PRKG1: variants seen among roughly 807,000 people sequenced by gnomAD.
PRKG1 encodes protein kinase cGMP-dependent 1, also known as cGMP-dependent protein kinase 1.
Under a neutral mutation model 88.1 loss-of-function variants are expected in PRKG1, and 35 were observed. The ratio of observed to expected loss-of-function variants is 0.40; its 90% CI spans 0.30 to 0.53. The LOEUF is 0.53. PRKG1 is among the 20% of genes least tolerant of loss of function. The pLI is 0.59. For missense variants in PRKG1, 540 were observed against 839.8 expected (o/e 0.64, Z 4.41); for synonymous variants, 303 against 292.5 (o/e 1.04, Z -0.37).
At chr10:51,640,206 T>G (rs1839763549) in intron 3 of PRKG1, among the ~76,000 whole-genome samples, 1 of 152,188 alleles carries the variant, frequency 6.6e-6, no homozygotes, top group African/African-American at 2.4e-5. Context: ...AATGAAGTCT[T>G]ATTTCAGTGC....
chr10:51,041,971 G>T lies in PRKG1; in HGVS notation c.266+50327G>T, dbSNP rs1231343325. On this transcript the variant is annotated intron_variant, in intron 1 of 17. Coordinates refer to the PRKG1 transcript ENST00000401604. Reference sequence around the variant, plus strand: ...GAGTGGGACAGTAAAAGAGGACAGGGAGCACACCCTGCCTGAACCTGAGTC... The same window carrying T: ...GAGTGGGACAGTAAAAGAGGACAGGTAGCACACCCTGCCTGAACCTGAGTC... Among the ~76,000 whole-genome samples the T allele has an allele frequency of 2.6e-5, 4 of 152,122 alleles. No individual in the cohort carries two copies. The East Asian group carries it at 5.8e-4, about 22-fold the overall frequency.
At chr10:51,485,078 T>C (rs60139853) in intron 3 of PRKG1, among the ~76,000 whole-genome samples, 2,022 of 152,248 alleles carry the variant, frequency 0.013, 38 homozygotes, top group Admixed American at 0.039. Flanking sequence ...TTTCAACAAA[T>C]AGAAAATCTA....
At chr10:51,075,930 C>T (rs911970176) in intron 1 of PRKG1, among the ~76,000 whole-genome samples, 4 of 152,272 alleles carry the variant, frequency 2.6e-5, no homozygotes, top group South Asian at 2.1e-4. Context: ...TAGATAATAA[C>T]GTAATTGATA....
intron 9 of PRKG1, chr10:52,230,930 G>C (rs1301461166): frequency 1.3e-5 from 2 of 152,060 alleles, no homozygotes; most frequent in African/African-American, 4.8e-5. Context: ...TGCCTTAATT[G>C]GTTGGAAGAA....
intron 3 of PRKG1, among the ~76,000 whole-genome samples, chr10:51,481,497 C>T (rs1377817549): frequency 1.3e-5 from 2 of 152,148 alleles, no homozygotes; most frequent in Non-Finnish European, 2.9e-5. Context: ...GATCCGCCCT[C>T]CCTGGCCTCC....
In PRKG1 at chr10:51,631,740, A is replaced by G. The variant is rs1019127665; in HGVS notation, c.592+163904A>G. On this transcript the variant is annotated intron_variant, in intron 3 of 17. Transcript: ENST00000373980. ...ACAATAGCGTTCGCGCTCCTGTGAG[A>G]ACTAATGCTGCTGCTGATCTGACAG... Among the ~76,000 whole-genome samples, 5 of 152,146 alleles carry G rather than the reference A, an allele frequency of 3.3e-5. No homozygotes were observed. The South Asian group carries it at 1.0e-3, about 32-fold the overall frequency.
chr10:51,668,105 A>G (rs1840467655), intron 3 of PRKG1, among the ~76,000 whole-genome samples: 1 of 152,190 alleles, frequency 6.6e-6, no homozygotes, highest in Non-Finnish European at 1.5e-5. Flanking sequence ...AGAGAAGAAC[A>G]TTGTGCCTAC....
At chr10:51,823,634 C>T (rs985731084) in intron 4 of PRKG1, among the ~76,000 whole-genome samples, 15 of 152,068 alleles carry the variant, frequency 9.9e-5, no homozygotes, top group Admixed American at 9.8e-4. Context: ...TTGAAAATTT[C>T]TTGAAACATT....
At chr10:51,642,675 A>G (rs901307408) in intron 3 of PRKG1, among the ~76,000 whole-genome samples, 7 of 152,194 alleles carry the variant, frequency 4.6e-5, no homozygotes, top group African/African-American at 1.4e-4. Flanking sequence ...TATTTTGGTC[A>G]TGCTAGTTCT....
At chr10:51,520,839 G>T (rs1279116686) in intron 3 of PRKG1, among the ~76,000 whole-genome samples, 4 of 152,196 alleles carry the variant, frequency 2.6e-5, no homozygotes, top group Non-Finnish European at 5.9e-5. Flanking sequence ...ATTGAAAGTG[G>T]TTAGTACTTG....
At chr10:51,924,403 T>C (rs1361373469) in intron 5 of PRKG1, among the ~76,000 whole-genome samples, 2 of 152,200 alleles carry the variant, frequency 1.3e-5, no homozygotes, top group African/African-American at 2.4e-5. Flanking sequence ...AAGACTGATA[T>C]AATTCTTACC....
chr10:51,182,999 T>C (rs985153571), intron 2 of PRKG1, among the ~76,000 whole-genome samples: 3 of 152,106 alleles, frequency 2.0e-5, no homozygotes, highest in Non-Finnish European at 2.9e-5. Context: ...TTAATATTGA[T>C]TAAAAAGAAT....
At chr10:51,077,643 G>A (rs1843991186) in intron 1 of PRKG1, among the ~76,000 whole-genome samples, 1 of 152,102 alleles carries the variant, frequency 6.6e-6, no homozygotes, top group Non-Finnish European at 1.5e-5. Context: ...CTTTAATGTG[G>A]GAATTGGAGG....
At chr10:52,129,079 A>G (rs1198619870) in intron 7 of PRKG1, among the ~76,000 whole-genome samples, 1 of 152,174 alleles carries the variant, frequency 6.6e-6, no homozygotes, top group Non-Finnish European at 1.5e-5. Context: ...TGATCTGTAA[A>G]AAAGTACAAA....
chr10:52,214,459 C>A lies in PRKG1; in HGVS notation c.1077-37111C>A, dbSNP rs12411588. Among the ~76,000 whole-genome samples the A allele has an allele frequency of 0.033, 5,007 of 152,232 alleles. 407 individuals are homozygous for A. In the East Asian group the frequency reaches 0.36, roughly 11 times the overall value. The stretch of plus-strand genomic sequence containing the variant: ...CATCACCGCACTAACATTCAATTTC[C>A]TTACCTATAAGATGGAGGTCATAGA... On this transcript the variant is annotated intron_variant, in intron 9 of 17. Coordinates refer to ENST00000373980, the MANE Select transcript of PRKG1 (RefSeq NM_006258.4).
At chr10:51,110,249 G>A (rs1589159506) in intron 1 of PRKG1, among the ~76,000 whole-genome samples, 1 of 151,906 alleles carries the variant, frequency 6.6e-6, no homozygotes, top group Non-Finnish European at 1.5e-5. Flanking sequence ...AGACTTGTGG[G>A]GTGTCCATAG....
chr10:51,354,574 A>G (rs908723228), intron 2 of PRKG1, among the ~76,000 whole-genome samples: 2 of 152,162 alleles, frequency 1.3e-5, no homozygotes, highest in Middle Eastern at 3.2e-3. Context: ...ACAATACAAC[A>G]AATGTAAAAA....
chr10:52,218,983 A>G (rs1313126610), intron 9 of PRKG1, among the ~76,000 whole-genome samples: 1 of 152,210 alleles, frequency 6.6e-6, no homozygotes, highest in African/African-American at 2.4e-5. Context: ...GATAAGCTGA[A>G]GATAAAAGGC....
intron 2 of PRKG1, among the ~76,000 whole-genome samples, chr10:51,378,627 G>T (rs1588896076): frequency 6.6e-6 from 1 of 152,088 alleles, no homozygotes; most frequent in Non-Finnish European, 1.5e-5. Context: ...TTGTTCTTGG[G>T]GTTGCTAGCT....
Sources: allele counts gnomAD v4.1 joint callset (sites outside exome capture counted in the v4.1 genomes callset), GRCh38; gene constraint gnomAD v4.1.1; transcripts MANE v1.5; gene names NCBI Gene and HGNC (gene_info 2026-07-23, HGNC 2026-07-21).